The following PALM2AKAP2 variants were observed in gnomAD, a reference collection of about 807,000 sequenced individuals.
PALM2AKAP2 encodes the protein PALM2 and AKAP2 fusion.
Under a neutral mutation model 71.5 loss-of-function variants are expected in PALM2AKAP2, and 37 were observed. The ratio of observed to expected loss-of-function variants is 0.52; its 90% CI spans 0.40 to 0.68. The LOEUF is 0.68. Among genes scored for constraint, PALM2AKAP2 ranks in the 30% least tolerant of loss-of-function variants. PALM2AKAP2 has a pLI of 0.00. For synonymous variants in PALM2AKAP2, 468 were observed against 478.8 expected (o/e 0.98, Z 0.29); for missense variants, 1,224 against 1,191.8 (o/e 1.03, Z -0.40).
At position 109,782,744 on chromosome 9, in the gene PALM2AKAP2, T is replaced by TGTG. The variant is rs1826849241; in HGVS notation, c.45+2211_45+2212insGTG. Among the ~76,000 whole-genome samples the TGTG allele has an allele frequency of 6.9e-5, 10 of 144,306 alleles. No homozygotes were observed. The South Asian group carries it at 2.0e-3, about 29-fold the overall frequency. 94.7% of individuals were successfully genotyped at this position (144,306 alleles called of 152,430 possible). ...AGATTTGCTAACAGCGTGTGTTTGTTTGTGTGTGTGTGTGTGTGTGTGTGT... is the reference window on the plus strand; with the variant it reads ...AGATTTGCTAACAGCGTGTGTTTGTTGTGTGTGTGTGTGTGTGTGTGTGTGTGT... On this transcript the variant is annotated intron_variant, in intron 1 of 9. Coordinates refer to the PALM2AKAP2 transcript ENST00000302798.
intron 1 of PALM2AKAP2, among the ~76,000 whole-genome samples, chr9:109,819,408 A>C (rs1449320944): frequency 6.6e-6 from 1 of 152,220 alleles, no homozygotes; most frequent in Non-Finnish European, 1.5e-5. Flanking sequence ...AAGTTTCTAT[A>C]ATGCCTCATT....
chr9:110,111,020 T>G (rs1835236276), intron 1 of PALM2AKAP2, among the ~76,000 whole-genome samples: 1 of 152,040 alleles, frequency 6.6e-6, no homozygotes, highest in Admixed American at 6.6e-5. Flanking sequence ...AGAAATTTAT[T>G]AAGCCTGAAT....
intron 2 of PALM2AKAP2, among the ~76,000 whole-genome samples, chr9:109,879,699 GT>G (rs369185975): frequency 0.26 from 34,733 of 134,780 alleles, 3,302 homozygotes; most frequent in Admixed American, 0.3. Context: ...GGGATGTATG[GT>G]TTTTTTTTTT....
chr9:109,880,639 A>C (rs1333053998), exon 3 of PALM2AKAP2: 1 of 1,613,988 alleles, frequency 6.2e-7, no homozygotes, highest in Non-Finnish European at 8.5e-7. Flanking sequence ...CAGTCTGAAG[A>C]GGATGAGTTC....
chr9:109,989,875 T>G (rs1832443944), intron 6 of PALM2AKAP2, among the ~76,000 whole-genome samples: 1 of 152,168 alleles, frequency 6.6e-6, no homozygotes, highest in African/African-American at 2.4e-5. Context: ...TCCCTAAAGA[T>G]CCCTCTCCTA....
chr9:109,642,584 G>C (rs1827086667), intron 1 of PALM2AKAP2, among the ~76,000 whole-genome samples: 1 of 151,408 alleles, frequency 6.6e-6, no homozygotes, highest in Admixed American at 6.6e-5. Context: ...TTTAGACAGG[G>C]TCTCACTCTG....
At chr9:110,057,378 T>G (rs553776482) in intron 1 of PALM2AKAP2, among the ~76,000 whole-genome samples, 1,560 of 131,732 alleles carry the variant, frequency 0.012, 40 homozygotes, top group Non-Finnish European at 0.012. Flanking sequence ...TTTTTTTTTT[T>G]TTGTTTTTTT....
chr9:109,933,282 G>A (rs576553120), intron 6 of PALM2AKAP2, among the ~76,000 whole-genome samples: 1 of 152,154 alleles, frequency 6.6e-6, no homozygotes, highest in African/African-American at 2.4e-5. Flanking sequence ...GTACTCCAGG[G>A]TACACTTCTG....
intron 6 of PALM2AKAP2, among the ~76,000 whole-genome samples, chr9:110,011,014 A>AAAAAAATATATATATATAT (rs35212981): frequency 1.4e-5 from 1 of 69,588 alleles, no homozygotes; most frequent in African/African-American, 7.8e-5. Flanking sequence ...AAAAAAAAAA[A>AAAAAAATATATATATATAT]ATATATATAT....
At chr9:110,039,721 A>G (rs780086561) in intron 7 of PALM2AKAP2, among the ~76,000 whole-genome samples, 37 of 152,002 alleles carry the variant, frequency 2.4e-4, no homozygotes, top group Admixed American at 5.2e-4. Flanking sequence ...AGCAGCACCT[A>G]TCTGAACCCA....
chr9:109,667,580 AG>A (rs1253595084), intron 1 of PALM2AKAP2, among the ~76,000 whole-genome samples: 4 of 152,200 alleles, frequency 2.6e-5, no homozygotes, highest in Admixed American at 1.3e-4. Context: ...ACTTGAGGTC[AG>A]GAGTTCGAGA....
chr9:110,083,908 TGAGG>T lies in PALM2AKAP2; in HGVS notation c.156+35057_156+35060del, dbSNP rs567816669. Among the ~76,000 whole-genome samples, 8 of 152,136 alleles carry T rather than the reference TGAGG, an allele frequency of 5.3e-5. No individual in the cohort carries two copies. In the East Asian group the frequency reaches 1.5e-3, roughly 29 times the overall value. The stretch of plus-strand genomic sequence containing the variant: ...AACTGGAGAAGATGGTCCACTGAGA[TGAGG>T]GAGTAAACCAGGAAAGAAAACTACC... On this transcript the variant is annotated intron_variant, in intron 1 of 3. Coordinates refer to ENST00000374525, the Ensembl canonical transcript of PALM2AKAP2.
chr9:109,935,640 T>G (rs1831202070), intron 6 of PALM2AKAP2, among the ~76,000 whole-genome samples: 1 of 152,182 alleles, frequency 6.6e-6, no homozygotes, highest in African/African-American at 2.4e-5. Context: ...AAGATTAACT[T>G]TAGAATTTAG....
intron 1 of PALM2AKAP2, among the ~76,000 whole-genome samples, chr9:109,682,269 A>G (rs765018686): frequency 2.0e-5 from 3 of 152,228 alleles, no homozygotes; most frequent in Non-Finnish European, 4.4e-5. Flanking sequence ...TAAGAATGGT[A>G]TAAATGGAAC....
chr9:109,727,180 C>G (rs969862434), intron 1 of PALM2AKAP2, among the ~76,000 whole-genome samples: 2 of 152,208 alleles, frequency 1.3e-5, no homozygotes, highest in Non-Finnish European at 2.9e-5. Context: ...CTCCCATTCT[C>G]TTTCTTTCCT....
At chr9:110,118,957 G>T (rs954034299) in intron 1 of PALM2AKAP2, among the ~76,000 whole-genome samples, 2 of 152,166 alleles carry the variant, frequency 1.3e-5, no homozygotes, top group Non-Finnish European at 2.9e-5. Flanking sequence ...ATGTTCCATA[G>T]CATTTATTAG....
intron 7 of PALM2AKAP2, among the ~76,000 whole-genome samples, chr9:110,039,958 G>A (rs1294459830): frequency 6.6e-6 from 1 of 151,676 alleles, no homozygotes; most frequent in Admixed American, 6.6e-5. Context: ...AGAAAAGGAA[G>A]GAAGGGAGGG....
intron 1 of PALM2AKAP2, among the ~76,000 whole-genome samples, chr9:110,087,263 A>G (rs555814187): frequency 6.6e-6 from 1 of 152,248 alleles, no homozygotes; most frequent in Non-Finnish European, 1.5e-5. Flanking sequence ...CATCAAGAGC[A>G]TCACAGAACT....
At chr9:109,736,108 G>A (rs1003235893) in intron 1 of PALM2AKAP2, among the ~76,000 whole-genome samples, 1 of 152,096 alleles carries the variant, frequency 6.6e-6, no homozygotes, top group Non-Finnish European at 1.5e-5. Context: ...CAGCATCTAG[G>A]ATCAGACTTC....
Sources: gnomAD v4.1 joint callset for allele counts (sites outside exome capture counted in the v4.1 genomes callset) on GRCh38, gnomAD v4.1.1 for gene constraint, MANE v1.5 for transcripts, NCBI Gene and HGNC (gene_info 2026-07-23, HGNC 2026-07-21) for gene names.